The following BABAM2 variants were observed in gnomAD, a reference collection of about 807,000 sequenced individuals.
BABAM2 encodes the protein BRISC and BRCA1 A complex member 2.
In BABAM2, 31 loss-of-function variants were observed where a neutral mutation model predicts 54.7. The ratio of observed to expected loss-of-function variants is 0.57; its 90% confidence interval spans 0.43 to 0.77. The LOEUF (loss-of-function observed/expected upper bound fraction) is 0.77, where lower values mean the gene tolerates loss of function less well. Among genes scored for constraint, BABAM2 ranks in the 30% least tolerant of loss-of-function variants. BABAM2 has a pLI of 0.00. For missense variants in BABAM2, 364 were observed against 455.8 expected, an observed-to-expected ratio of 0.80 and a Z score of 1.83; for synonymous variants, 167 against 162.9, an observed-to-expected ratio of 1.03 and a Z score of -0.19.
chr2:28,142,418 T>A (rs1437419614), intron 7 of BABAM2, among the ~76,000 whole-genome samples: 1 of 152,202 alleles, frequency 6.6e-6, no homozygotes, highest in Non-Finnish European at 1.5e-5. Flanking sequence ...AAATCTACCT[T>A]GGCAAATTTC....
intron 7 of BABAM2, among the ~76,000 whole-genome samples, chr2:28,162,301 G>T (rs904137901): frequency 2.0e-5 from 3 of 152,134 alleles, no homozygotes; most frequent in Non-Finnish European, 4.4e-5. Context: ...TCTTCAGGAT[G>T]CTTTGAGAAA....
At chr2:27,919,719 C>A (rs572550677) in intron 2 of BABAM2, among the ~76,000 whole-genome samples, 2 of 152,080 alleles carry the variant, frequency 1.3e-5, no homozygotes, top group East Asian at 3.9e-4. Flanking sequence ...GATTTTTTCC[C>A]GATCCTAGTT....
At chr2:28,185,569 T>A (rs1157501073) in intron 7 of BABAM2, among the ~76,000 whole-genome samples, 1 of 152,210 alleles carries the variant, frequency 6.6e-6, no homozygotes, top group Non-Finnish European at 1.5e-5. Context: ...CTGAGACTTT[T>A]ATCTCGATGC....
intron 10 of BABAM2, among the ~76,000 whole-genome samples, chr2:28,283,637 A>G (rs775758312): frequency 2.5e-4 from 38 of 152,332 alleles, no homozygotes; most frequent in Middle Eastern, 3.4e-3. Context: ...ACCTTGTAAG[A>G]GTACAAGAAG....
chr2:28,299,989 A>G (rs769703383), intron 11 of BABAM2, among the ~76,000 whole-genome samples: 15 of 152,006 alleles, frequency 9.9e-5, no homozygotes, highest in Non-Finnish European at 2.2e-4. Context: ...CCTAGGCTGG[A>G]GTACAGTGGT....
intron 7 of BABAM2, among the ~76,000 whole-genome samples, chr2:28,198,906 C>A (rs533934340): frequency 5.6e-4 from 85 of 152,052 alleles, no homozygotes; most frequent in Middle Eastern, 3.4e-3. Context: ...CCCCTGCCCC[C>A]ACCTGTCCTC....
chr2:27,964,863 T>TA (rs1670726442), intron 3 of BABAM2, among the ~76,000 whole-genome samples: 1 of 152,240 alleles, frequency 6.6e-6, no homozygotes, highest in African/African-American at 2.4e-5. Flanking sequence ...AAACCAATGC[T>TA]ACCAAGTAGA....
At chr2:27,889,519 G>C (rs956732674), upstream of BABAM2, among the ~76,000 whole-genome samples, 1 of 151,932 alleles carries the variant, frequency 6.6e-6, no homozygotes, top group Non-Finnish European at 1.5e-5. Context: ...AATCAGAAAA[G>C]CTACCTTAAT....
At chr2:27,976,524 G>T (rs1041660985) in intron 3 of BABAM2, among the ~76,000 whole-genome samples, 40 of 152,124 alleles carry the variant, frequency 2.6e-4, no homozygotes, top group African/African-American at 9.7e-4. Flanking sequence ...AAGGGGCCAA[G>T]AGCAGGTCAG....
intron 3 of BABAM2, among the ~76,000 whole-genome samples, chr2:27,949,352 G>A (rs1669535038): frequency 6.6e-6 from 1 of 152,246 alleles, no homozygotes; most frequent in East Asian, 1.9e-4. Context: ...GGCCAACATG[G>A]TGAAATCCTG....
intron 6 of BABAM2, among the ~76,000 whole-genome samples, chr2:28,103,149 A>G (rs1184941119): frequency 6.6e-6 from 1 of 152,018 alleles, no homozygotes; most frequent in Non-Finnish European, 1.5e-5. Context: ...GAGTAAAAAA[A>G]AAAAAAAATT....
intron 10 of BABAM2, among the ~76,000 whole-genome samples, chr2:28,277,891 C>T (rs570870581): frequency 2.0e-4 from 31 of 152,256 alleles, no homozygotes; most frequent in South Asian, 1.0e-3. Flanking sequence ...GCAAACACTG[C>T]GTGGAAAATG....
chr2:28,332,017 A>T (rs2148334900), intron 11 of BABAM2, among the ~76,000 whole-genome samples: 1 of 152,336 alleles, frequency 6.6e-6, no homozygotes, highest in Non-Finnish European at 1.5e-5. Context: ...TTTTGCAGGG[A>T]CATGGATGGA....
chr2:28,232,263 A>G (rs563318539), intron 7 of BABAM2, among the ~76,000 whole-genome samples: 69 of 152,352 alleles, frequency 4.5e-4, no homozygotes, highest in Admixed American at 2.4e-3. Flanking sequence ...TTACTTGACC[A>G]GTAAGGTAAA....
rs1237852622 is a variant in BABAM2 at position 28,338,520 on chromosome 2, C to T, written c.*7C>T. ...TGCCAATGGAAAGCTCTAGGAAACA[C>T]CAGTCTTGAGAGGTGGCCAGCCAGA... On this transcript the variant is annotated 3_prime_UTR_variant, in exon 12 of 12. Transcript: ENST00000379624. 25 of 1,613,856 alleles carry T rather than the reference C, an allele frequency of 1.5e-5. No individual in the cohort carries two copies. The East Asian group carries it at 4.5e-4, about 29-fold the overall frequency.
chr2:28,194,575 C>CTTT (rs10684650), intron 7 of BABAM2, among the ~76,000 whole-genome samples: 2,936 of 99,078 alleles, frequency 0.03, 258 homozygotes, highest in Middle Eastern at 0.07. Flanking sequence ...ACAACGTAGA[C>CTTT]TTTTTTTTTT....
In BABAM2 at chr2:28,129,345, G is replaced by A. The variant is rs769229088; in HGVS notation, c.645G>A (p.Val215=). Residue 215 remains valine (V), a synonymous_variant, in exon 7 of 12, where the codon GTG becomes GTA. Transcript: ENST00000379624. Reference sequence around the variant, plus strand: ...TTGAGGACACTGAAGCCACCCAGGTGTACCCCAAGCTGTACTTGTCACCTC... The same window carrying A: ...TTGAGGACACTGAAGCCACCCAGGTATACCCCAAGCTGTACTTGTCACCTC... ...VSFEDTEATQ[V]YPKLYLSPRI... The A allele has an allele frequency of 2.5e-6, 4 of 1,614,028 alleles. No individual in the cohort carries two copies. Among genetic ancestry groups the A allele is most frequent in the East Asian group, 2.2e-5 (1 of 44,898 alleles).
chr2:28,179,775 A>G (rs1156857124), intron 7 of BABAM2, among the ~76,000 whole-genome samples: 2 of 152,246 alleles, frequency 1.3e-5, no homozygotes, highest in African/African-American at 2.4e-5. Context: ...AAATTCAGTA[A>G]CATTGCAGAA....
At chr2:28,046,755 A>G (rs968932423) in intron 6 of BABAM2, among the ~76,000 whole-genome samples, 1 of 150,678 alleles carries the variant, frequency 6.6e-6, no homozygotes, top group Non-Finnish European at 1.5e-5. Context: ...AACCATAGAA[A>G]AGGTTAGGGA....
Sources: allele counts gnomAD v4.1 joint callset (sites outside exome capture counted in the v4.1 genomes callset), GRCh38; gene constraint gnomAD v4.1.1; transcripts MANE v1.5; gene names NCBI Gene and HGNC (gene_info 2026-07-23, HGNC 2026-07-21).